Variants in GLIS1 observed in about 807,000 individuals in gnomAD.
The protein encoded by GLIS1 is GLIS family zinc finger 1, also known as zinc finger protein GLIS1.
A neutral mutation model predicts 63.8 loss-of-function variants in GLIS1; 24 were observed. The ratio of observed to expected loss-of-function variants is 0.38; its 90% CI spans 0.27 to 0.53. The LOEUF is 0.53. Ranked by LOEUF, GLIS1 falls within the 20% of genes least tolerant of loss-of-function variation. GLIS1 has a pLI of 0.85. For synonymous variants in GLIS1, 450 were observed against 482.5 expected (o/e 0.93, Z 0.88); for missense variants, 1,036 against 1,074.1 (o/e 0.96, Z 0.50).
chr1:53,546,806 C>T lies in GLIS1; in HGVS notation c.1321-16854G>A, dbSNP rs570997677. ...CCTCCAAGCTTCAGCTCATAAGCCA[C>T]CTCTTCCAGGGAGCCTTCCTAGATT... On this transcript the variant is annotated intron_variant, in intron 4 of 10. Transcript: ENST00000628545. Among the ~76,000 whole-genome samples, 4 of 152,346 alleles carry T rather than the reference C, an allele frequency of 2.6e-5. No individual in the cohort carries two copies. The South Asian group carries it at 8.3e-4, about 32-fold the overall frequency.
At chr1:53,626,018 A>G (rs1025082476) in intron 2 of GLIS1, among the ~76,000 whole-genome samples, 1 of 152,156 alleles carries the variant, frequency 6.6e-6, no homozygotes, top group Non-Finnish European at 1.5e-5. Context: ...GAAGGCACCC[A>G]CTTGCTCTCT....
chr1:53,677,521 A>C (rs910436360), intron 2 of GLIS1, among the ~76,000 whole-genome samples: 5 of 152,264 alleles, frequency 3.3e-5, no homozygotes, highest in East Asian at 1.9e-4. Context: ...CGCCAGACAG[A>C]CAGCCAGAGG....
Position 53,690,541 on chromosome 1 carries a change from T to C in GLIS1, c.259+47265A>G, listed in dbSNP as rs868581867. Among the ~76,000 whole-genome samples the C allele has an allele frequency of 3.9e-5, 6 of 152,358 alleles. 1 individual carries two copies. The South Asian group carries it at 6.2e-4, about 16-fold the overall frequency. On this transcript the variant is annotated intron_variant, in intron 2 of 10. Coordinates refer to ENST00000628545, the MANE Select transcript of GLIS1 (RefSeq NM_001367484.1). ...TGGCTTCAACGTCTGCATCTGGCAA[T>C]GGACATGACAGAACAAGCAGGACGC...
chr1:53,665,581 C>T (rs143285786), intron 2 of GLIS1, among the ~76,000 whole-genome samples: 3 of 152,084 alleles, frequency 2.0e-5, no homozygotes, highest in Non-Finnish European at 4.4e-5. Context: ...CCCAGGTGTT[C>T]GATGCTGCAG....
intron 2 of GLIS1, among the ~76,000 whole-genome samples, chr1:53,656,562 CA>C (rs1645967505): frequency 6.6e-6 from 1 of 152,206 alleles, no homozygotes; most frequent in Admixed American, 6.5e-5. Context: ...ACATACTAGA[CA>C]TGAAGAACAC....
intron 4 of GLIS1, among the ~76,000 whole-genome samples, chr1:53,567,675 T>G (rs1228886322): frequency 1.3e-5 from 2 of 152,204 alleles, no homozygotes; most frequent in African/African-American, 4.8e-5. Flanking sequence ...TTGTACAGCC[T>G]CAGGACATGG....
At chr1:53,530,939 C>T (rs1039472360) in intron 4 of GLIS1, among the ~76,000 whole-genome samples, 3 of 152,226 alleles carry the variant, frequency 2.0e-5, no homozygotes, top group African/African-American at 7.2e-5. Context: ...CGCTGACGGG[C>T]GCCTGCTACA....
intron 2 of GLIS1, among the ~76,000 whole-genome samples, chr1:53,647,718 A>T (rs767537328): frequency 6.6e-6 from 1 of 152,194 alleles, no homozygotes; most frequent in African/African-American, 2.4e-5. Context: ...CTAACCATAA[A>T]AGTAAAGATG....
chr1:53,592,212 C>G (rs1338480740), intron 4 of GLIS1, among the ~76,000 whole-genome samples: 1 of 152,202 alleles, frequency 6.6e-6, no homozygotes, highest in African/African-American at 2.4e-5. Flanking sequence ...CCTCGCTGGG[C>G]CCTGTTTCCC....
At chr1:53,616,767 C>G (rs1056962458) in intron 2 of GLIS1, among the ~76,000 whole-genome samples, 4 of 152,158 alleles carry the variant, frequency 2.6e-5, no homozygotes, top group Non-Finnish European at 4.4e-5. Context: ...GGGCACAATC[C>G]GGAGATCCAG....
intron 4 of GLIS1, among the ~76,000 whole-genome samples, chr1:53,547,567 A>G (rs575948080): frequency 3.3e-5 from 5 of 152,150 alleles, no homozygotes; most frequent in African/African-American, 1.2e-4. Context: ...CTCCCCCAGC[A>G]CACCTACCCC....
intron 4 of GLIS1, among the ~76,000 whole-genome samples, chr1:53,581,666 G>A (rs1645085916): frequency 6.6e-6 from 1 of 152,190 alleles, no homozygotes; most frequent in Non-Finnish European, 1.5e-5. Context: ...TCCTGGAGGA[G>A]GTGACATGGG....
intron 4 of GLIS1, among the ~76,000 whole-genome samples, chr1:53,579,870 T>C (rs531553611): frequency 6.6e-6 from 1 of 152,232 alleles, no homozygotes; most frequent in Non-Finnish European, 1.5e-5. Flanking sequence ...AGTCCCAGTG[T>C]CTGCGTTGGA....
At chr1:53,645,440 C>T (rs1414100366) in intron 2 of GLIS1, among the ~76,000 whole-genome samples, 1 of 152,102 alleles carries the variant, frequency 6.6e-6, no homozygotes, top group African/African-American at 2.4e-5. Flanking sequence ...CTGATCAGTC[C>T]CCGAAGTCTA....
intron 2 of GLIS1, among the ~76,000 whole-genome samples, chr1:53,615,480 C>A (rs1645472176): frequency 6.6e-6 from 1 of 152,134 alleles, no homozygotes; most frequent in African/African-American, 2.4e-5. Context: ...GGGTGCAAAG[C>A]AAGGTCCCAA....
intron 4 of GLIS1, among the ~76,000 whole-genome samples, chr1:53,588,694 C>T (rs1645160271): frequency 6.6e-6 from 1 of 152,190 alleles, no homozygotes; most frequent in African/African-American, 2.4e-5. Context: ...CAGAAGGCAG[C>T]AGATGCACAG....
chr1:53,636,116 T>C (rs1256131261), intron 2 of GLIS1, among the ~76,000 whole-genome samples: 1 of 152,188 alleles, frequency 6.6e-6, no homozygotes, highest in Non-Finnish European at 1.5e-5. Flanking sequence ...AACTTTGGCA[T>C]TAAACCTCAA....
chr1:53,687,808 C>T (rs746080045), intron 2 of GLIS1, among the ~76,000 whole-genome samples: 68 of 152,194 alleles, frequency 4.5e-4, no homozygotes, highest in Non-Finnish European at 8.8e-4. Context: ...GCCCCCATGT[C>T]ACCAGGGGAC....
rs1208720813 is a variant in GLIS1 at position 53,738,084 on chromosome 1, C to T, written c.-20G>A. On this transcript the variant is annotated 5_prime_UTR_variant, in exon 2 of 11. In the 5' UTR this introduces an upstream ATG that the reference lacks. Transcript: ENST00000628545. ...ATGCATGGCGCCGGGGCGGGGCGCA[C>T]GGCTGGGGGTCGCGCCGGGCTCCTG... The T allele has an allele frequency of 2.4e-5, 30 of 1,229,436 alleles. No individual in the cohort carries two copies. The highest frequency in any genetic ancestry group is 2.8e-5 in the Non-Finnish European group (28 of 986,456). 76.2% of individuals were successfully genotyped at this position (1,229,436 alleles called of 1,614,324 possible). A position where few individuals can be genotyped will look rare whatever the true frequency, so the allele number is the denominator to read the frequency against.
Sources: allele counts gnomAD v4.1 joint callset (sites outside exome capture counted in the v4.1 genomes callset), GRCh38; gene constraint gnomAD v4.1.1; transcripts MANE v1.5; gene names NCBI Gene and HGNC (gene_info 2026-07-23, HGNC 2026-07-21).